KCTD1: variants seen among roughly 807,000 people sequenced by gnomAD.
The protein encoded by KCTD1 is BTB/POZ domain-containing protein KCTD1.
A neutral mutation model predicts 66.0 loss-of-function variants in KCTD1; 24 were observed. The observed-to-expected ratio is 0.36, with a 90% confidence interval of 0.26 to 0.51. The LOEUF (loss-of-function observed/expected upper bound fraction) is 0.51. KCTD1 is among the 20% of genes least tolerant of loss of function. The pLI, the probability that KCTD1 is intolerant of heterozygous loss-of-function variation, is 0.95. For synonymous variants in KCTD1, 511 were observed against 517.2 expected, an observed-to-expected ratio of 0.99 and a Z score of 0.16; for missense variants, 943 against 1,205.2, an observed-to-expected ratio of 0.78 and a Z score of 3.22.
At chr18:26,531,983 G>A (rs752457539) in intron 1 of KCTD1, among the ~76,000 whole-genome samples, 2 of 152,168 alleles carry the variant, frequency 1.3e-5, no homozygotes, top group African/African-American at 2.4e-5. Flanking sequence ...GGGGAGAAAG[G>A]CCTGATTTCT....
intron 1 of KCTD1, among the ~76,000 whole-genome samples, chr18:26,513,468 C>T (rs1463904081): frequency 6.6e-6 from 1 of 152,130 alleles, no homozygotes; most frequent in Non-Finnish European, 1.5e-5. Context: ...AACTTTTGCC[C>T]CAATTACCTT....
intron 1 of KCTD1, among the ~76,000 whole-genome samples, chr18:26,554,104 G>A (rs1985645334): frequency 7.3e-6 from 1 of 136,628 alleles, no homozygotes; most frequent in Admixed American, 7.1e-5. Context: ...GAAAAAGAAG[G>A]AAGGAGGGAA....
At chr18:26,639,749 T>A (rs1455616065) in intron 1 of KCTD1, among the ~76,000 whole-genome samples, 1 of 152,190 alleles carries the variant, frequency 6.6e-6, no homozygotes, top group East Asian at 1.9e-4. Flanking sequence ...CAAATGCTGA[T>A]CCACGTTTTC....
chr18:26,611,460 C>A (rs1987136495), intron 1 of KCTD1, among the ~76,000 whole-genome samples: 1 of 152,094 alleles, frequency 6.6e-6, no homozygotes, highest in South Asian at 2.1e-4. Flanking sequence ...AAGTGATTCT[C>A]CTGTCTCAAC....
intron 3 of KCTD1, among the ~76,000 whole-genome samples, chr18:26,475,713 G>A (rs12457822): frequency 0.22 from 33,772 of 151,892 alleles, 3,998 homozygotes; most frequent in African/African-American, 0.26. Flanking sequence ...TTAGCTAGGC[G>A]TGGTGGTGGG....
intron 1 of KCTD1, among the ~76,000 whole-genome samples, chr18:26,502,948 C>G (rs2144686644): frequency 6.6e-6 from 1 of 152,264 alleles, no homozygotes; most frequent in Non-Finnish European, 1.5e-5. Flanking sequence ...CAGGAGTTAC[C>G]TGGGGCACAA....
chr18:26,455,185 T>TAAC lies in KCTD1; in HGVS notation c.*555_*557dup, dbSNP rs1248866361. ...CAAACTACATTTAAAATTTCATGTCTAACATCTTTGCAATGTGCTCATGAG... is the reference window on the plus strand; with the variant it reads ...CAAACTACATTTAAAATTTCATGTCTAACAACATCTTTGCAATGTGCTCATGAG... On this transcript the variant is annotated 3_prime_UTR_variant, in exon 5 of 5. Transcript: ENST00000580059. 1.3e-5 allele frequency: 2 copies of TAAC among 152,686 alleles called. No homozygotes were observed. The highest frequency in any genetic ancestry group is 2.9e-5 in the Non-Finnish European group (2 of 68,140). 9.5% of individuals were successfully genotyped at this position (152,686 alleles called of 1,614,324 possible).
At chr18:26,623,779 C>T (rs1987440972) in intron 1 of KCTD1, among the ~76,000 whole-genome samples, 1 of 152,112 alleles carries the variant, frequency 6.6e-6, no homozygotes, top group Non-Finnish European at 1.5e-5. Flanking sequence ...AACTAGGTAA[C>T]AGGCAGAGGC....
At chr18:26,564,893 A>G (rs1329025597) in intron 1 of KCTD1, among the ~76,000 whole-genome samples, 3 of 121,464 alleles carry the variant, frequency 2.5e-5, no homozygotes, top group East Asian at 4.8e-4. Context: ...CTGTCTCAAG[A>G]AAAAAAAAAA....
intron 1 of KCTD1, among the ~76,000 whole-genome samples, chr18:26,534,965 C>T (rs1984622130): frequency 6.6e-6 from 1 of 152,186 alleles, no homozygotes; most frequent in Non-Finnish European, 1.5e-5. Flanking sequence ...AAAAGACCTA[C>T]ATGTCTGTGA....
chr18:26,554,691 T>G (rs900179931), intron 1 of KCTD1, among the ~76,000 whole-genome samples: 3 of 152,206 alleles, frequency 2.0e-5, no homozygotes, highest in Non-Finnish European at 4.4e-5. Context: ...AATAGAATAT[T>G]TAGTTCCTAA....
chr18:26,475,067 A>G (rs1044051252), intron 3 of KCTD1, among the ~76,000 whole-genome samples: 6 of 152,156 alleles, frequency 3.9e-5, no homozygotes, highest in Non-Finnish European at 7.3e-5. Context: ...GCACCTGTAC[A>G]TCTATCTCTG....
intron 2 of KCTD1, among the ~76,000 whole-genome samples, chr18:26,483,599 T>C (rs933327213): frequency 6.6e-6 from 1 of 152,240 alleles, no homozygotes; most frequent in Non-Finnish European, 1.5e-5. Context: ...CATTTTGTTT[T>C]TGGAAGCACT....
chr18:26,610,509 T>G (rs1412289169), intron 1 of KCTD1, among the ~76,000 whole-genome samples: 1 of 151,924 alleles, frequency 6.6e-6, no homozygotes, highest in East Asian at 1.9e-4. Context: ...GCCCATAAAT[T>G]TAAGGTTACA....
At chr18:26,637,445 G>A (rs1476686473) in intron 1 of KCTD1, among the ~76,000 whole-genome samples, 8 of 152,360 alleles carry the variant, frequency 5.3e-5, no homozygotes, top group Non-Finnish European at 8.8e-5. Context: ...AGGAGGAGGC[G>A]CTGGGTGTGT....
rs1449171673 is a variant in KCTD1 at position 26,637,629 on chromosome 18, G to A, written c.-107+2682C>T. 2.6e-5 allele frequency among the ~76,000 whole-genome samples: 4 copies of A among 152,324 alleles called. No individual in the cohort carries two copies. In the East Asian group the frequency reaches 7.7e-4, roughly 29 times the overall value. ...TAGCCCTGTCGCTTCAGTGGGATGA[G>A]GCCTGTTTCTTGCTGTTGGAGAAGA... On this transcript the variant is annotated intron_variant, in intron 1 of 5. Coordinates refer to the KCTD1 transcript ENST00000579973.
chr18:26,657,442 T>C, upstream of KCTD1: 1 of 957,672 alleles, frequency 1.0e-6, no homozygotes. Context: ...CTCCCAGCGA[T>C]CTGCTCGGCT....
At chr18:26,568,575 A>G (rs1986035142) in intron 1 of KCTD1, among the ~76,000 whole-genome samples, 1 of 152,080 alleles carries the variant, frequency 6.6e-6, no homozygotes, top group East Asian at 1.9e-4. Flanking sequence ...TTCCTACAAC[A>G]TAAAAAAAAA....
rs74758133 is a variant in KCTD1 at position 26,576,547 on chromosome 18, A to G, written c.-16+52600T>C. ...AGAGTTATACATGTTCCTAGCAGCC[A>G]TTTCGAACGATTCAGAAGTACATAC... On this transcript the variant is annotated intron_variant, in intron 1 of 4. Coordinates refer to the KCTD1 transcript ENST00000317932. 7.7e-3 allele frequency among the ~76,000 whole-genome samples: 1,174 copies of G among 152,298 alleles called. 21 individuals are homozygous for G. Among genetic ancestry groups the G allele is most frequent in the African/African-American group, 0.026 (1,097 of 41,558 alleles).
Sources: allele counts gnomAD v4.1 joint callset (sites outside exome capture counted in the v4.1 genomes callset), GRCh38; gene constraint gnomAD v4.1.1; transcripts MANE v1.5; gene names NCBI Gene and HGNC (gene_info 2026-07-23, HGNC 2026-07-21).